DNAH7: variants seen among roughly 807,000 people sequenced by gnomAD.
The protein encoded by DNAH7 is axonemal beta dynein heavy chain 7.
Under a neutral mutation model 444.6 loss-of-function variants are expected in DNAH7, and 397 were observed. The ratio of observed to expected loss-of-function variants is 0.89; its 90% CI spans 0.82 to 0.97. DNAH7 has a LOEUF of 0.97. Among genes scored for constraint, DNAH7 ranks in the 50% least tolerant of loss-of-function variants. The pLI is 0.00. For synonymous variants in DNAH7, 1,636 were observed against 1,624.4 expected, an observed-to-expected ratio of 1.01 and a Z score of -0.17; for missense variants, 4,902 against 4,800.8, an observed-to-expected ratio of 1.02 and a Z score of -0.62.
At chr2:196,025,226 T>C (rs1293973338) in intron 7 of DNAH7, among the ~76,000 whole-genome samples, 1 of 152,144 alleles carries the variant, frequency 6.6e-6, no homozygotes, top group African/African-American at 2.4e-5. Context: ...CTTGTTCTCT[T>C]TTAAGTTGCA....
chr2:195,985,251 C>T (rs990636366), intron 14 of DNAH7, among the ~76,000 whole-genome samples: 4 of 152,000 alleles, frequency 2.6e-5, no homozygotes, highest in Admixed American at 6.6e-5. Context: ...TCAAATGAAA[C>T]GAATAGAACA....
At chr2:195,926,270 G>A (rs1339547259) in intron 22 of DNAH7, among the ~76,000 whole-genome samples, 156 bp downstream of exon 22, 2 of 151,872 alleles carry the variant, frequency 1.3e-5, no homozygotes, top group Non-Finnish European at 2.9e-5. Context: ...TATTTGTTAT[G>A]TGCAATTTTT....
chr2:195,984,417 G>A (rs1278675249), intron 15 of DNAH7, among the ~76,000 whole-genome samples: 4 of 151,956 alleles, frequency 2.6e-5, no homozygotes, highest in Non-Finnish European at 4.4e-5. Flanking sequence ...GCGCAATCTC[G>A]ACTCATTGCA....
intron 46 of DNAH7, among the ~76,000 whole-genome samples, chr2:195,849,279 C>T (rs960439931): frequency 6.6e-6 from 1 of 152,152 alleles, no homozygotes; most frequent in Non-Finnish European, 1.5e-5. Flanking sequence ...GACATTTCAG[C>T]TTTATCTTAC....
intron 56 of DNAH7, 65 bp downstream of exon 56, chr2:195,796,511 T>C (rs1178682703): frequency 6.4e-7 from 1 of 1,558,770 alleles, no homozygotes; most frequent in Non-Finnish European, 8.8e-7. Context: ...GCTACCCGAA[T>C]GTTATGTATA....
At position 195,988,089 on chromosome 2, in the gene DNAH7, G is replaced by A. The variant is rs1293870128; in HGVS notation, c.1494C>T (p.Asp498=). 6.2e-7 allele frequency: 1 copy of A among 1,613,670 alleles called. No individual in the cohort carries two copies. Among genetic ancestry groups the A allele is most frequent in the Admixed American group, 1.7e-5 (1 of 59,966 alleles). The part of the protein sequence containing the change: ...TEHLRLYDKY[D]FLITRKAERD... ...GCTCAGCTTTTCTGGTAATTAAAAA[G>A]TCATACTTGTCATAGAGTCTGAGGT... Residue 498 remains aspartate (D), a synonymous_variant, in exon 13 of 65, where the codon GAC becomes GAT. Transcript: ENST00000312428.
rs572939409 is a variant in DNAH7 at position 195,967,275 on chromosome 2, CTTTT to C, written c.2205+2669_2205+2672del. ...TTGACTTCATCCTCCTGCTTTTTAA[CTTTT>C]TTTGTTTCTCTTTATATCTTTTTGT... On this transcript the variant is annotated intron_variant, in intron 17 of 64. Transcript: ENST00000312428. 7.0e-4 allele frequency among the ~76,000 whole-genome samples: 105 copies of C among 150,212 alleles called. 1 individual carries two copies. The South Asian group carries it at 0.022, about 32-fold the overall frequency.
chr2:196,036,100 C>A (rs940290636), intron 5 of DNAH7, among the ~76,000 whole-genome samples: 2 of 149,538 alleles, frequency 1.3e-5, no homozygotes, highest in Non-Finnish European at 3.0e-5. Flanking sequence ...GGCGTGATCT[C>A]AGCTCACTGA....
At chr2:195,798,376 C>T (rs1696268464) in intron 55 of DNAH7, among the ~76,000 whole-genome samples, 1 of 152,078 alleles carries the variant, frequency 6.6e-6, no homozygotes, top group Non-Finnish European at 1.5e-5. Flanking sequence ...AGCATTACCA[C>T]ACTGTGTTAT....
chr2:195,972,412 C>A lies in DNAH7; in HGVS notation c.1888G>T (p.Val630Leu). The change falls in exon 16 of 65, where the codon GTG (valine) becomes TTG (leucine). Residue 630 changes from valine (V) to leucine (L), a missense_variant. By Grantham distance (32) the Val-to-Leu change is conservative. Transcript: ENST00000312428. The part of the protein sequence containing the change: ...TDMIELEQRL[V>L]DSKNCLAFLI... Reference sequence around the variant, plus strand: ...AAGGCGAGGCAGTTTTTGGAATCCACTAATCTCTGTTCTAGTTCAATCATA... The same window carrying A: ...AAGGCGAGGCAGTTTTTGGAATCCAATAATCTCTGTTCTAGTTCAATCATA... 1 of 1,614,128 alleles carries A rather than the reference C, an allele frequency of 6.2e-7. No homozygotes were observed. Among genetic ancestry groups the A allele is most frequent in the Non-Finnish European group, 8.5e-7 (1 of 1,180,008 alleles).
chr2:195,868,209 C>A (rs946876254), intron 40 of DNAH7, among the ~76,000 whole-genome samples: 2 of 150,410 alleles, frequency 1.3e-5, no homozygotes, highest in African/African-American at 2.5e-5. Flanking sequence ...CATTCTCCTG[C>A]CTCAGCCTCT....
chr2:195,740,924 G>T, intron 63 of DNAH7, 55 bp from the exon 64 acceptor site: 2 of 1,099,288 alleles, frequency 1.8e-6, no homozygotes, highest in Non-Finnish European at 2.5e-6. Context: ...TTTTGATTGA[G>T]TTCTGAATCT....
chr2:195,954,504 T>C (rs1690500063), intron 19 of DNAH7, among the ~76,000 whole-genome samples: 1 of 152,256 alleles, frequency 6.6e-6, no homozygotes, highest in Non-Finnish European at 1.5e-5. Flanking sequence ...GCATGTGTTT[T>C]TATAGCAGCA....
Position 196,066,512 on chromosome 2 carries a change from A to G in DNAH7, c.15+2185T>C, listed in dbSNP as rs773248609. Among the ~76,000 whole-genome samples, 11 of 152,322 alleles carry G rather than the reference A, an allele frequency of 7.2e-5. 1 individual carries two copies. Among genetic ancestry groups the G allele is most frequent in the Non-Finnish European group, 8.8e-5 (6 of 68,022 alleles). On this transcript the variant is annotated intron_variant, in intron 1 of 64. Coordinates refer to ENST00000312428, the MANE Select transcript of DNAH7 (RefSeq NM_018897.3). The stretch of plus-strand genomic sequence containing the variant: ...CTCTTCTCTGCCCACAATCTGTAGT[A>G]TATCTGTGGGGAGCTTCCTGGTCTT...
At chr2:195,952,516 G>T (rs1196349687) in intron 19 of DNAH7, among the ~76,000 whole-genome samples, 1 of 152,178 alleles carries the variant, frequency 6.6e-6, no homozygotes, top group African/African-American at 2.4e-5. Context: ...ATATCCTGAA[G>T]AGTGTTTTCC....
intron 12 of DNAH7, among the ~76,000 whole-genome samples, chr2:195,992,228 T>G (rs1435001092): frequency 6.6e-6 from 1 of 152,192 alleles, no homozygotes; most frequent in Non-Finnish European, 1.5e-5. Flanking sequence ...GCATTTCTAG[T>G]AGACAACACA....
chr2:196,028,090 C>T, intron 5 of DNAH7, 43 bp from the exon 6 acceptor site: 2 of 1,502,508 alleles, frequency 1.3e-6, no homozygotes, highest in Non-Finnish European at 1.8e-6. Flanking sequence ...AGATAAGGGG[C>T]AGTTAGAACA....
At chr2:195,841,299 G>A (rs1698670529) in intron 47 of DNAH7, among the ~76,000 whole-genome samples, 1 of 151,024 alleles carries the variant, frequency 6.6e-6, no homozygotes, top group Admixed American at 6.6e-5. Context: ...ATGGATGTGT[G>A]CAATTATACA....
chr2:196,010,209 G>T (rs1694646014), intron 10 of DNAH7, among the ~76,000 whole-genome samples: 1 of 151,234 alleles, frequency 6.6e-6, no homozygotes, highest in African/African-American at 2.4e-5. Context: ...GAGTGCAGTG[G>T]TGTGATCTTG....
Sources: allele counts gnomAD v4.1 joint callset (sites outside exome capture counted in the v4.1 genomes callset), GRCh38; gene constraint gnomAD v4.1.1; transcripts MANE v1.5; gene names NCBI Gene and HGNC (gene_info 2026-07-23, HGNC 2026-07-21).